Variants in PTPRN2 observed in about 807,000 individuals in gnomAD.
PTPRN2 encodes protein tyrosine phosphatase receptor type N2.
Under a neutral mutation model 118.8 loss-of-function variants are expected in PTPRN2, and 74 were observed. That is an observed-to-expected ratio of 0.62 (90% CI 0.52 to 0.76). The LOEUF (loss-of-function observed/expected upper bound fraction) is 0.76. Among genes scored for constraint, PTPRN2 ranks in the 30% least tolerant of loss-of-function variants. The pLI, the probability that PTPRN2 is intolerant of heterozygous loss-of-function variation, is 0.00. For synonymous variants in PTPRN2, 641 were observed against 608.0 expected, an observed-to-expected ratio of 1.05 and a Z score of -0.80; for missense variants, 1,481 against 1,394.4, an observed-to-expected ratio of 1.06 and a Z score of -0.99.
chr7:158,359,722 G>C (rs1265419537), intron 2 of PTPRN2, among the ~76,000 whole-genome samples: 5 of 152,140 alleles, frequency 3.3e-5, no homozygotes, highest in Non-Finnish European at 7.4e-5. Context: ...ATGTACACGT[G>C]GTGTTGTCGA....
intron 2 of PTPRN2, among the ~76,000 whole-genome samples, chr7:158,335,485 T>C (rs1304157638): frequency 9.5e-5 from 4 of 42,224 alleles, no homozygotes; most frequent in South Asian, 1.5e-3. Flanking sequence ...TAAGAGCTGA[T>C]GCCTGCAGAC....
intron 13 of PTPRN2, among the ~76,000 whole-genome samples, chr7:157,670,978 A>T (rs1352180044): frequency 1.3e-5 from 2 of 152,088 alleles, no homozygotes; most frequent in East Asian, 1.9e-4. Context: ...GCTGATTTTC[A>T]TGTGCCATCC....
At position 157,785,555 on chromosome 7, in the gene PTPRN2, T is replaced by G. The variant is rs1217144856; in HGVS notation, c.1789-102618A>C. Among the ~76,000 whole-genome samples, 1 of 152,044 alleles carries G rather than the reference T, an allele frequency of 6.6e-6. No homozygotes were observed. The highest frequency in any genetic ancestry group is 1.5e-5 in the Non-Finnish European group (1 of 67,998). On this transcript the variant is annotated intron_variant, in intron 12 of 22. Coordinates refer to ENST00000389418, the MANE Select transcript of PTPRN2 (RefSeq NM_002847.5). This position sits in a 1 kb window ranked among gnomAD's most constrained non-coding sequence, Gnocchi z 7.3. ...CTGGGTGCCATCCGCAAACCTGGTC[T>G]CTGCTGAAATCTGAACAGTCTACAC...
chr7:158,183,433 CT>C (rs1047913178), intron 5 of PTPRN2, among the ~76,000 whole-genome samples: 3 of 152,166 alleles, frequency 2.0e-5, no homozygotes, highest in African/African-American at 7.2e-5. Context: ...CCACTCCCCC[CT>C]GGGTTATGGC....
chr7:158,138,086 A>T (rs566548907), intron 7 of PTPRN2, among the ~76,000 whole-genome samples: 180 of 152,346 alleles, frequency 1.2e-3, no homozygotes, highest in African/African-American at 4.1e-3. Context: ...GCAATTTGCC[A>T]TTCAACATAA....
At chr7:158,125,402 C>T (rs4909255) in intron 9 of PTPRN2, among the ~76,000 whole-genome samples, 48,836 of 152,028 alleles carry the variant, frequency 0.32, 8,053 homozygotes, top group East Asian at 0.43. Flanking sequence ...GTACTTCCCA[C>T]GGCCGCTCCC....
chr7:157,768,500 G>A (rs1441321054), intron 12 of PTPRN2, among the ~76,000 whole-genome samples: 2 of 152,160 alleles, frequency 1.3e-5, no homozygotes, highest in Non-Finnish European at 2.9e-5. Flanking sequence ...AGAGCACGCG[G>A]CCGCAACACT....
intron 11 of PTPRN2, among the ~76,000 whole-genome samples, chr7:157,983,982 C>A: frequency 6.6e-6 from 1 of 152,084 alleles, no homozygotes; most frequent in Non-Finnish European, 1.5e-5. Flanking sequence ...GCTCACCCAG[C>A]GCCGCGAGCA....
chr7:157,829,643 G>A (rs1185199158), intron 12 of PTPRN2, among the ~76,000 whole-genome samples: 1 of 152,246 alleles, frequency 6.6e-6, no homozygotes, highest in African/African-American at 2.4e-5. Flanking sequence ...ACTGTGAGCT[G>A]AGCCATCTCT....
rs1466328883 is a variant in PTPRN2 at position 157,682,833 on chromosome 7, C to T, written c.1893G>A (p.Leu631=). The change falls in exon 13 of 23, where the codon CTG becomes CTA. Residue 631 remains leucine, a synonymous_variant. Coordinates refer to ENST00000389418, the MANE Select transcript of PTPRN2 (RefSeq NM_002847.5). The stretch of plus-strand genomic sequence containing the variant: ...GGAGGCAGTAGATGAGGCCAGAGGC[C>T]AGGAGGACGCCCAGGATGCAGGCGA... ...VSLACILGVL[L]ASGLIYCLRH... 6.2e-7 allele frequency: 1 copy of T among 1,614,018 alleles called. No homozygotes were observed. The highest frequency in any genetic ancestry group is 8.5e-7 in the Non-Finnish European group (1 of 1,180,006).
At chr7:157,991,699 G>T (rs980216810) in intron 11 of PTPRN2, among the ~76,000 whole-genome samples, 2 of 152,206 alleles carry the variant, frequency 1.3e-5, no homozygotes, top group African/African-American at 2.4e-5. Flanking sequence ...GAGCTGCACG[G>T]GGCTGTTCTC....
intron 13 of PTPRN2, among the ~76,000 whole-genome samples, chr7:157,680,329 C>A: frequency 6.6e-6 from 1 of 152,040 alleles, no homozygotes; most frequent in Non-Finnish European, 1.5e-5. Context: ...TACATTAATG[C>A]GAGAAGACAC....
chr7:157,802,389 C>A (rs1469062485), intron 12 of PTPRN2, among the ~76,000 whole-genome samples: 1 of 152,188 alleles, frequency 6.6e-6, no homozygotes. Context: ...GCAGGTTTAT[C>A]CCTGTTGTTG....
At chr7:157,664,777 A>G (rs765333848) in intron 13 of PTPRN2, among the ~76,000 whole-genome samples, 1 of 152,216 alleles carries the variant, frequency 6.6e-6, no homozygotes, top group Non-Finnish European at 1.5e-5. Context: ...CGCCAAAAAT[A>G]CAGAGCTATG....
At chr7:158,071,441 G>GCTCGTGGTT (rs1563391318) in intron 11 of PTPRN2, among the ~76,000 whole-genome samples, 19 of 89,496 alleles carry the variant, frequency 2.1e-4, no homozygotes, top group African/African-American at 7.8e-4. Context: ...TCGTGGTGGT[G>GCTCGTGGTT]GAGGTGCTCG....
chr7:157,599,151 A>C (rs1301199032), intron 16 of PTPRN2, among the ~76,000 whole-genome samples: 1 of 152,014 alleles, frequency 6.6e-6, no homozygotes, highest in Non-Finnish European at 1.5e-5. Context: ...CTGGGATTAC[A>C]GGCGTGTGCC....
At chr7:158,248,166 G>A (rs760487177) in intron 3 of PTPRN2, among the ~76,000 whole-genome samples, 2 of 152,154 alleles carry the variant, frequency 1.3e-5, no homozygotes, top group African/African-American at 2.4e-5. Flanking sequence ...AAGGCCAGGC[G>A]GGTCATGCTG....
intron 1 of PTPRN2, among the ~76,000 whole-genome samples, chr7:158,551,423 C>T (rs1826644802): frequency 6.6e-6 from 1 of 150,992 alleles, no homozygotes; most frequent in South Asian, 2.1e-4. Flanking sequence ...GGGTGGGGTT[C>T]TCATGCATGC....
intron 3 of PTPRN2, among the ~76,000 whole-genome samples, chr7:158,304,692 T>C (rs1312030121): frequency 6.6e-6 from 1 of 152,250 alleles, no homozygotes; most frequent in East Asian, 1.9e-4. Flanking sequence ...GTTGAGTTTA[T>C]CTAAGGACTG....
Sources: gnomAD v4.1 joint callset for allele counts (sites outside exome capture counted in the v4.1 genomes callset) on GRCh38, gnomAD v4.1.1 for gene constraint, Gnocchi (gnomAD v3.1) non-coding constraint, MANE v1.5 for transcripts, NCBI Gene and HGNC (gene_info 2026-07-23, HGNC 2026-07-21) for gene names.